The following CTNNA3 variants were observed in gnomAD, a reference collection of about 807,000 sequenced individuals.
The protein encoded by CTNNA3 is catenin alpha 3.
Under a neutral mutation model 95.7 loss-of-function variants are expected in CTNNA3, and 76 were observed. The observed-to-expected ratio is 0.79, with a 90% confidence interval of 0.66 to 0.96. The LOEUF is 0.96. CTNNA3 is among the 40% of genes least tolerant of loss of function. The pLI is 0.00. For synonymous variants in CTNNA3, 431 were observed against 374.4 expected (o/e 1.15, Z -1.74); for missense variants, 1,191 against 1,089.8 (o/e 1.09, Z -1.31).
At chr10:66,136,593 A>G (rs1366854057) in intron 13 of CTNNA3, among the ~76,000 whole-genome samples, 1 of 152,114 alleles carries the variant, frequency 6.6e-6, no homozygotes, top group African/African-American at 2.4e-5. Flanking sequence ...CTTTCTGACA[A>G]TCAGTATCAT....
intron 7 of CTNNA3, among the ~76,000 whole-genome samples, chr10:66,878,690 A>G (rs956636883): frequency 6.6e-6 from 1 of 152,040 alleles, no homozygotes; most frequent in Non-Finnish European, 1.5e-5. Context: ...CTCTCTCATA[A>G]TTCAGGCTGG....
At chr10:67,269,297 G>A (rs745768403) in intron 5 of CTNNA3, among the ~76,000 whole-genome samples, 31 of 151,864 alleles carry the variant, frequency 2.0e-4, no homozygotes, top group Admixed American at 6.6e-4. Flanking sequence ...TATATGAGAA[G>A]GATTAAAAGG....
intron 17 of CTNNA3, among the ~76,000 whole-genome samples, chr10:65,949,986 T>A (rs1786920): frequency 0.19 from 28,373 of 151,762 alleles, 2,811 homozygotes; most frequent in South Asian, 0.28. Context: ...CAAAGAATTA[T>A]CCAGCCCCCA....
At chr10:66,860,862 C>G (rs540361193) in intron 7 of CTNNA3, among the ~76,000 whole-genome samples, 3 of 152,238 alleles carry the variant, frequency 2.0e-5, no homozygotes, top group Non-Finnish European at 2.9e-5. Context: ...ACATTGTAAA[C>G]CCTATCTGTT....
chr10:66,036,439 T>C (rs1348083152), intron 15 of CTNNA3, among the ~76,000 whole-genome samples: 1 of 152,170 alleles, frequency 6.6e-6, no homozygotes, highest in East Asian at 1.9e-4. Flanking sequence ...CATGGTGCAA[T>C]CTCGGCTCAC....
intron 13 of CTNNA3, among the ~76,000 whole-genome samples, chr10:66,170,013 C>T (rs2085335535): frequency 1.3e-5 from 2 of 151,950 alleles, no homozygotes; most frequent in Admixed American, 1.3e-4. Context: ...GTGCAAAAGC[C>T]CCTTAGTTTA....
chr10:66,568,036 T>C (rs1427039599), intron 10 of CTNNA3, among the ~76,000 whole-genome samples: 1 of 152,216 alleles, frequency 6.6e-6, no homozygotes, highest in Non-Finnish European at 1.5e-5. Flanking sequence ...ACTATGGCTT[T>C]ACTTTCATTT....
chr10:66,395,518 TA>T (rs60587308), intron 11 of CTNNA3, among the ~76,000 whole-genome samples: 1 of 151,706 alleles, frequency 6.6e-6, no homozygotes, highest in East Asian at 1.9e-4. Context: ...CAAAGACTAA[TA>T]AAAAAATACA....
At chr10:66,321,618 A>G (rs192936846) in intron 12 of CTNNA3, among the ~76,000 whole-genome samples, 1 of 152,254 alleles carries the variant, frequency 6.6e-6, no homozygotes, top group East Asian at 1.9e-4. Context: ...ATACTTTTTT[A>G]TGGTAACTAC....
At chr10:66,005,301 C>CT (rs2133375363) in intron 15 of CTNNA3, among the ~76,000 whole-genome samples, 1 of 152,322 alleles carries the variant, frequency 6.6e-6, no homozygotes, top group Non-Finnish European at 1.5e-5. Flanking sequence ...TCAGGAGTCA[C>CT]TACCAAGTAG....
intron 9 of CTNNA3, among the ~76,000 whole-genome samples, chr10:66,742,930 A>G (rs1038237696): frequency 2.6e-5 from 4 of 152,194 alleles, no homozygotes; most frequent in Non-Finnish European, 2.9e-5. Flanking sequence ...ATTTTACATC[A>G]TTTCCTCTGC....
In CTNNA3 at chr10:65,919,165, AAGAG is replaced by A. The variant is rs754522906; in HGVS notation, c.*1161_*1164del. The A allele has an allele frequency of 6.6e-6, 1 of 152,122 alleles. No individual in the cohort carries two copies. The highest frequency in any genetic ancestry group is 2.4e-5 in the African/African-American group (1 of 41,432). 9.4% of individuals were successfully genotyped at this position (152,122 alleles called of 1,614,324 possible). ...GAGGCAGGTCATCAGGGGAGAGAAA[AAGAG>A]AGAGAGAATGACAGAGAGAGGTACA... On this transcript the variant is annotated 3_prime_UTR_variant, in exon 18 of 18. Transcript: ENST00000433211.
intron 12 of CTNNA3, among the ~76,000 whole-genome samples, chr10:66,289,065 C>G (rs2091636460): frequency 6.6e-6 from 1 of 151,916 alleles, no homozygotes; most frequent in African/African-American, 2.4e-5. Context: ...GATTCTACAG[C>G]TGATGAAATT....
chr10:66,277,632 A>G (rs776143180), intron 13 of CTNNA3, among the ~76,000 whole-genome samples: 8 of 152,136 alleles, frequency 5.3e-5, no homozygotes, highest in Non-Finnish European at 1.0e-4. Context: ...GATTAAGTCC[A>G]TAAGTTTATG....
chr10:66,585,785 C>A (rs1421632228), intron 10 of CTNNA3, among the ~76,000 whole-genome samples: 1 of 151,948 alleles, frequency 6.6e-6, no homozygotes, highest in Non-Finnish European at 1.5e-5. Flanking sequence ...GGATCCACTG[C>A]TGGAGAGTCA....
intron 12 of CTNNA3, among the ~76,000 whole-genome samples, chr10:66,294,974 T>C (rs900688560): frequency 6.6e-6 from 1 of 151,948 alleles, no homozygotes; most frequent in Non-Finnish European, 1.5e-5. Flanking sequence ...GGCCAAATCA[T>C]GCTTGATATT....
rs1363957168 is a variant in CTNNA3, at chr10:66,178,428, T to TAC, written c.1885-75180_1885-75179insGT. On this transcript the variant is annotated intron_variant, in intron 13 of 17. Coordinates refer to ENST00000433211, the MANE Select transcript of CTNNA3 (RefSeq NM_013266.4). Reference sequence around the variant, plus strand: ...ATATATATATATATATATATATATATATATATATATATATACACACACAGA... The same window carrying TAC: ...ATATATATATATATATATATATATATACATATATATATATATACACACACAGA... Among the ~76,000 whole-genome samples the TAC allele has an allele frequency of 1.2e-3, 99 of 83,720 alleles. 2 individuals carry two copies. The highest frequency in any genetic ancestry group is 3.9e-3 in the South Asian group (10 of 2,532). 54.9% of individuals were successfully genotyped at this position (83,720 alleles called of 152,430 possible).
chr10:67,169,902 C>G (rs1861937660), intron 7 of CTNNA3, among the ~76,000 whole-genome samples: 1 of 152,054 alleles, frequency 6.6e-6, no homozygotes, highest in African/African-American at 2.4e-5. Context: ...TTATAAGCAT[C>G]TATAAGAGAC....
In CTNNA3 at chr10:66,200,104, C is replaced by T. The variant is rs747299680; in HGVS notation, c.1884+80366G>A. Among the ~76,000 whole-genome samples the T allele has an allele frequency of 6.0e-5, 9 of 151,084 alleles. No homozygotes were observed. In the East Asian group the frequency reaches 7.8e-4, roughly 13 times the overall value. ...GTATGTACACACATGTATGTATGCA[C>T]GCATACACACGCACACATACACACA... On this transcript the variant is annotated intron_variant, in intron 13 of 17. Coordinates refer to ENST00000433211, the MANE Select transcript of CTNNA3 (RefSeq NM_013266.4).
Sources: allele counts gnomAD v4.1 joint callset (sites outside exome capture counted in the v4.1 genomes callset), GRCh38; gene constraint gnomAD v4.1.1; transcripts MANE v1.5; gene names NCBI Gene and HGNC (gene_info 2026-07-23, HGNC 2026-07-21).